LRTM3: variants seen among roughly 807,000 people sequenced by gnomAD.
LRTM3 encodes leucine rich repeat transmembrane protein 3, also known as leucine-rich repeat transmembrane protein 3.
the LRTM3 span, among the ~76,000 whole-genome samples, chr13:102,755,894 C>CATAT: frequency 7.7e-6 from 1 of 129,260 alleles, no homozygotes. Flanking sequence ...TATGTATACA[C>CATAT]ATATATATGT....
At chr13:102,737,403 G>C in the LRTM3 span, 1 of 1,550,816 alleles carries the variant, frequency 6.4e-7, no homozygotes, top group Non-Finnish European at 8.7e-7. Flanking sequence ...GGCAAATGTA[G>C]GAAGAGAACT....
the LRTM3 span, chr13:102,737,247 C>G: frequency 6.4e-6 from 10 of 1,550,966 alleles, no homozygotes; most frequent in Middle Eastern, 3.3e-4. Context: ...CTATCCACCC[C>G]AAAAGACTTT....
At chr13:102,746,591 G>C in the LRTM3 span, 3 of 1,551,072 alleles carry the variant, frequency 1.9e-6, no homozygotes, top group Non-Finnish European at 2.6e-6. Context: ...CACAGCCTTT[G>C]TATTTACACA....
the LRTM3 span, chr13:102,745,929 G>A: frequency 1.3e-6 from 2 of 1,551,110 alleles, no homozygotes; most frequent in Non-Finnish European, 1.7e-6. Flanking sequence ...GGTTGGTTCA[G>A]TTCCTCATCT....
chr13:102,735,744 C>A, the LRTM3 span: 2 of 1,546,980 alleles, frequency 1.3e-6, no homozygotes, highest in Non-Finnish European at 1.7e-6. Context: ...GCTTTTTTGC[C>A]TGAATCTGAT....
At chr13:102,738,055 C>T in the LRTM3 span, 1 of 1,550,252 alleles carries the variant, frequency 6.5e-7, no homozygotes, top group Non-Finnish European at 8.7e-7. Flanking sequence ...TGTCCTCTTT[C>T]CCTTGCTCCT....
the LRTM3 span, chr13:102,739,984 G>A: frequency 6.4e-7 from 1 of 1,550,456 alleles, no homozygotes; most frequent in South Asian, 1.2e-5. Flanking sequence ...TTCTCCTTTT[G>A]TGGCATATCA....
the LRTM3 span, chr13:102,737,799 T>C: frequency 3.2e-6 from 5 of 1,551,028 alleles, no homozygotes; most frequent in Non-Finnish European, 4.4e-6. Context: ...GGTTGTAAAA[T>C]ACCAGGTCTG....
At chr13:102,736,092 C>A in the LRTM3 span, 1 of 1,541,406 alleles carries the variant, frequency 6.5e-7, no homozygotes. Context: ...TTTAGTATTA[C>A]TTTATGTGAG....
the LRTM3 span, chr13:102,746,174 T>C: frequency 1.3e-6 from 2 of 1,551,156 alleles, no homozygotes; most frequent in Non-Finnish European, 1.7e-6. Context: ...TCCATTAATA[T>C]GTAGCTCCAG....
chr13:102,742,739 A>G, the LRTM3 span: 1 of 1,550,694 alleles, frequency 6.4e-7, no homozygotes, highest in Non-Finnish European at 8.7e-7. Flanking sequence ...AGCCATTTTA[A>G]GTCTGCCATT....
At chr13:102,731,368 G>A in the LRTM3 span, 5 of 1,551,234 alleles carry the variant, frequency 3.2e-6, no homozygotes, top group African/African-American at 2.7e-5. Flanking sequence ...GATAAAAGTT[G>A]AACATTTGTA....
At chr13:102,731,972 G>A in the LRTM3 span, 99 of 1,551,124 alleles carry the variant, frequency 6.4e-5, no homozygotes, top group Non-Finnish European at 8.0e-5. Context: ...CCGTTCTTTT[G>A]TTTGTGCCTT....
At chr13:102,733,817 G>A in the LRTM3 span, 1 of 1,551,430 alleles carries the variant, frequency 6.4e-7, no homozygotes, top group Non-Finnish European at 8.7e-7. Context: ...GAAGTTTGAG[G>A]TCAACTGTTG....
the LRTM3 span, chr13:102,732,564 A>T: frequency 6.4e-7 from 1 of 1,551,110 alleles, no homozygotes; most frequent in Admixed American, 2.0e-5. Context: ...TTTGCATTAG[A>T]TGCTTCTAGT....
chr13:102,732,572 A>G, the LRTM3 span: 2 of 1,551,210 alleles, frequency 1.3e-6, no homozygotes, highest in Admixed American at 2.0e-5. Flanking sequence ...AGATGCTTCT[A>G]GTTCTTTTTT....
the LRTM3 span, among the ~76,000 whole-genome samples, chr13:102,754,414 T>C: frequency 6.6e-6 from 1 of 152,114 alleles, no homozygotes; most frequent in Non-Finnish European, 1.5e-5. Flanking sequence ...CCCTGTTTTG[T>C]TTGCTGATGA....
At chr13:102,730,358 T>A in the LRTM3 span, 1 of 1,551,030 alleles carries the variant, frequency 6.4e-7, no homozygotes, top group Non-Finnish European at 8.7e-7. Flanking sequence ...CTCGTCCAAG[T>A]CAGCTGGACT....
At chr13:102,730,069 A>G in the LRTM3 span, 2 of 1,551,196 alleles carry the variant, frequency 1.3e-6, no homozygotes, top group Admixed American at 2.0e-5. Context: ...ACAACCAGTC[A>G]GGAGATTTCA....
Sources: gnomAD v4.1 joint callset for allele counts (sites outside exome capture counted in the v4.1 genomes callset) on GRCh38, gnomAD v4.1.1 for gene constraint, MANE v1.5 for transcripts, NCBI Gene and HGNC (gene_info 2026-07-23, HGNC 2026-07-21) for gene names.